The following FANCM variants were observed in gnomAD, a reference collection of about 807,000 sequenced individuals.
FANCM encodes Fanconi anemia group M protein.
FANCM carries 140 observed loss-of-function variants against 199.5 expected under a neutral mutation model. The observed-to-expected ratio is 0.70, with a 90% CI of 0.61 to 0.81. FANCM has a LOEUF of 0.81. Among genes scored for constraint, FANCM ranks in the 30% least tolerant of loss-of-function variants. The pLI is 0.00. For missense variants in FANCM, 2,410 were observed against 2,421.4 expected (o/e 1.00, Z 0.10); for synonymous variants, 840 against 836.8 (o/e 1.00, Z -0.07).
chr14:45,175,216 TAAATC>T lies in FANCM; in HGVS notation c.2465_2469del (p.Asn822ArgfsTer10). 4.3e-6 allele frequency: 7 copies of T among 1,612,256 alleles called. No homozygotes were observed. The highest frequency in any genetic ancestry group is 5.9e-6 in the Non-Finnish European group (7 of 1,179,106). ...AAGAAATCGTCATTTATAAAGAACA[TAAATC>T]AAGGCAGTTCATCCTCAGTGATAGA... On this transcript the variant is annotated frameshift_variant, in exon 14 of 23. Transcript: ENST00000267430. LOFTEE classifies it high-confidence loss of function.
chr14:45,176,657 T>C lies in FANCM; in HGVS notation c.3903T>C (p.Asp1301=), dbSNP rs1249213462. Residue 1301 remains aspartate (D), a synonymous_variant, in exon 14 of 23, where the codon GAT becomes GAC. Coordinates refer to ENST00000267430, the MANE Select transcript of FANCM (RefSeq NM_020937.4). ...SGTVIIPSNE[D]MQNPNYVHLP... is the part of the protein sequence containing the mutation. ...CTGTTATTATCCCATCAAATGAAGATATGCAGAATCCAAATTATGTACATT... is the reference window on the plus strand; with the variant it reads ...CTGTTATTATCCCATCAAATGAAGACATGCAGAATCCAAATTATGTACATT... The C allele has an allele frequency of 6.2e-7, 1 of 1,613,766 alleles. No individual in the cohort carries two copies.
chr14:45,167,134 G>A lies in FANCM; in HGVS notation c.1973G>A (p.Arg658Gln), dbSNP rs763495035. The change falls in exon 11 of 23, where the codon CGA becomes CAA. Residue 658 changes from arginine (R) to glutamine (Q), a missense_variant. Coordinates refer to ENST00000267430, the MANE Select transcript of FANCM (RefSeq NM_020937.4). ...GAGAAGCCTTCTCGGAACTTGCAGCGAAAGTCATCTATCTTTTCCTATAGG... is the reference window on the plus strand; with the variant it reads ...GAGAAGCCTTCTCGGAACTTGCAGCAAAAGTCATCTATCTTTTCCTATAGG... ...EPEKPSRNLQ[R>Q]KSSIFSYRDG... is the part of the protein sequence containing the mutation. 2.0e-5 allele frequency: 33 copies of A among 1,612,024 alleles called. No individual in the cohort carries two copies. Among genetic ancestry groups the A allele is most frequent in the Middle Eastern group, 1.7e-4 (1 of 6,052 alleles).
chr14:45,149,059 AAC>A (rs1886634794), intron 4 of FANCM, 64 bp downstream of exon 4: 2 of 1,245,274 alleles, frequency 1.6e-6, no homozygotes, highest in Admixed American at 1.7e-5. Context: ...TATTTCAGCT[AAC>A]AGGATTTGGA....
At chr14:45,188,165 C>G (rs1343193088) in intron 19 of FANCM, among the ~76,000 whole-genome samples, 2 of 152,094 alleles carry the variant, frequency 1.3e-5, no homozygotes, top group Non-Finnish European at 2.9e-5. Context: ...ATGGTGAAAC[C>G]CCATCTCTGC....
chr14:45,160,002 G>GTTTTTTTTT (rs200603043), intron 9 of FANCM, among the ~76,000 whole-genome samples: 1 of 122,006 alleles, frequency 8.2e-6, no homozygotes, highest in African/African-American at 3.0e-5. Flanking sequence ...TTTTTTTTTT[G>GTTTTTTTTT]TTTTTTTTTT....
At chr14:45,137,298 T>C (rs1885591087) in intron 2 of FANCM, 57 bp downstream of exon 2, 2 of 1,457,292 alleles carry the variant, frequency 1.4e-6, no homozygotes, top group Non-Finnish European at 1.9e-6. Context: ...AAGAGAATTT[T>C]GGCGAATAGT....
intron 3 of FANCM, among the ~76,000 whole-genome samples, chr14:45,147,829 G>T (rs1383447553): frequency 6.6e-6 from 1 of 151,004 alleles, no homozygotes; most frequent in Non-Finnish European, 1.5e-5. Context: ...GGAGTCAGAG[G>T]TTGCAATAAC....
rs1364697360 is a variant in FANCM at position 45,196,489 on chromosome 14, C to T, written c.5658C>T (p.His1886=). ...NKNKFIEQIQ[H]LQSMFERICV... is the part of the protein sequence containing the mutation. ...ACAAGTTCATTGAGCAGATCCAGCACCTGCAGAGTATGTTTGAAAGAATAT... is the reference window on the plus strand; with the variant it reads ...ACAAGTTCATTGAGCAGATCCAGCATCTGCAGAGTATGTTTGAAAGAATAT... Residue 1886 remains histidine, a synonymous_variant, in exon 21 of 23, where the codon CAC becomes CAT. Transcript: ENST00000267430. 6.2e-7 allele frequency: 1 copy of T among 1,613,880 alleles called. No homozygotes were observed. Among genetic ancestry groups the T allele is most frequent in the Non-Finnish European group, 8.5e-7 (1 of 1,179,906 alleles).
At chr14:45,154,914 A>G (rs897936399) in intron 7 of FANCM, 92 bp downstream of exon 7, 1 of 916,766 alleles carries the variant, frequency 1.1e-6, no homozygotes, top group Non-Finnish European at 1.7e-6. Context: ...AATGTCTACA[A>G]TTATTTATAT....
At chr14:45,165,085 T>C (rs1261687508) in intron 10 of FANCM, among the ~76,000 whole-genome samples, 3 of 152,222 alleles carry the variant, frequency 2.0e-5, no homozygotes, top group Non-Finnish European at 4.4e-5. Flanking sequence ...ACTTGAGTTA[T>C]ATTCATACTG....
intron 3 of FANCM, among the ~76,000 whole-genome samples, chr14:45,141,030 C>G (rs933536426): frequency 1.3e-5 from 2 of 151,968 alleles, no homozygotes; most frequent in African/African-American, 2.4e-5. Flanking sequence ...GAGCAAGACC[C>G]GTAATCCCAG....
intron 20 of FANCM, among the ~76,000 whole-genome samples, chr14:45,191,392 A>G (rs1296346642): frequency 6.6e-6 from 1 of 152,176 alleles, no homozygotes. Context: ...GGCTAAGCCT[A>G]TCTAAGCAGT....
intron 18 of FANCM, among the ~76,000 whole-genome samples, chr14:45,185,638 A>G (rs554277300): frequency 6.6e-6 from 1 of 152,248 alleles, no homozygotes; most frequent in Non-Finnish European, 1.5e-5. Context: ...ACAAGTGTTT[A>G]TTGCCCGCTA....
chr14:45,163,997 T>A (rs1594783782), intron 9 of FANCM, among the ~76,000 whole-genome samples: 1 of 152,342 alleles, frequency 6.6e-6, no homozygotes, highest in Admixed American at 6.5e-5. Context: ...TAGGCTAGAG[T>A]GCAGTGTCAC....
rs1000888534 is a variant in FANCM, at chr14:45,167,159, G to T, written c.1998G>T (p.Arg666Ser). 2 of 1,599,896 alleles carry T rather than the reference G, an allele frequency of 1.3e-6. No homozygotes were observed. The highest frequency in any genetic ancestry group is 1.1e-5 in the South Asian group (1 of 90,778). ...LQRKSSIFSYRDGMRQSSLKK... is the reference protein window; with the variant it reads ...LQRKSSIFSYSDGMRQSSLKK... ...GAAAGTCATCTATCTTTTCCTATAG[G>T]GATGGTAAATAAATTTTGCATTTGA... The change falls in exon 11 of 23, where the codon AGG becomes AGT. Residue 666 changes from arginine to serine, a missense_variant. Transcript: ENST00000267430.
At chr14:45,159,792 A>G (rs1380262922) in intron 9 of FANCM, among the ~76,000 whole-genome samples, 2 of 152,160 alleles carry the variant, frequency 1.3e-5, no homozygotes, top group Admixed American at 6.5e-5. Context: ...TGCTCTGAGT[A>G]AGAGGACATT....
intron 12 of FANCM, 90 bp downstream of exon 12, chr14:45,170,836 A>G (rs1888297254): frequency 9.5e-7 from 1 of 1,057,864 alleles, no homozygotes; most frequent in Admixed American, 1.7e-5. Context: ...ATCAAGCAAT[A>G]GCTTTGGGAA....
At chr14:45,146,013 C>T (rs1218855884) in intron 3 of FANCM, among the ~76,000 whole-genome samples, 1 of 147,128 alleles carries the variant, frequency 6.8e-6, no homozygotes, top group South Asian at 2.2e-4. Flanking sequence ...GAGCCGAGAT[C>T]CCGCCACTGC....
In FANCM at chr14:45,136,420, G is replaced by A. The variant is rs751804045; in HGVS notation, c.389G>A (p.Arg130His). ...GCCGTGGTCATGTACAATTTCTACCGCTGGTTCCCTTCAGGAAAGGTGGTC... is the reference window on the plus strand; with the variant it reads ...GCCGTGGTCATGTACAATTTCTACCACTGGTTCCCTTCAGGAAAGGTGGTC... ...IAAVVMYNFY[R>H]WFPSGKVVFM... Residue 130 changes from arginine (R) to histidine (H), a missense_variant, in exon 1 of 23, where the codon CGC becomes CAC. By Grantham distance (29) the Arg-to-His change is conservative. Coordinates refer to ENST00000267430, the MANE Select transcript of FANCM (RefSeq NM_020937.4). 6.2e-7 allele frequency: 1 copy of A among 1,614,136 alleles called. No individual in the cohort carries two copies. The highest frequency in any genetic ancestry group is 8.5e-7 in the Non-Finnish European group (1 of 1,180,036).
Sources: gnomAD v4.1 joint callset for allele counts (sites outside exome capture counted in the v4.1 genomes callset) on GRCh38, gnomAD v4.1.1 for gene constraint, MANE v1.5 for transcripts, NCBI Gene and HGNC (gene_info 2026-07-23, HGNC 2026-07-21) for gene names.